The following NR3C2 variants were observed in gnomAD, a reference collection of about 807,000 sequenced individuals.
The protein encoded by NR3C2 is nuclear receptor subfamily 3 group C member 2, also known as mineralocorticoid receptor.
In NR3C2, 15 loss-of-function variants were observed where a neutral mutation model predicts 86.4. The ratio of observed to expected loss-of-function variants is 0.17; its 90% CI spans 0.12 to 0.27. NR3C2 has a LOEUF of 0.27. Ranked by LOEUF, NR3C2 falls within the 10% of genes least tolerant of loss-of-function variation. The pLI, the probability that NR3C2 is intolerant of heterozygous loss-of-function variation, is 1.00. For missense variants in NR3C2, 960 were observed against 1,195.6 expected (o/e 0.80, Z 2.91); for synonymous variants, 458 against 450.5 (o/e 1.02, Z -0.21).
At chr4:148,341,767 A>G (rs1376621078) in intron 2 of NR3C2, among the ~76,000 whole-genome samples, 3 of 152,158 alleles carry the variant, frequency 2.0e-5, no homozygotes, top group African/African-American at 4.8e-5. Context: ...ACAAACAAAC[A>G]TAAGCAGCAA....
intron 2 of NR3C2, among the ~76,000 whole-genome samples, chr4:148,428,388 T>C (rs1441726459): frequency 6.6e-6 from 1 of 152,150 alleles, no homozygotes; most frequent in Non-Finnish European, 1.5e-5. Flanking sequence ...TCAAAAGCAG[T>C]ATCAAGTCAT....
At chr4:148,193,492 C>T (rs1736301106) in intron 4 of NR3C2, among the ~76,000 whole-genome samples, 1 of 152,204 alleles carries the variant, frequency 6.6e-6, no homozygotes, top group Non-Finnish European at 1.5e-5. Context: ...TGCCTCCTGT[C>T]CACCATGATC....
intron 2 of NR3C2, among the ~76,000 whole-genome samples, chr4:148,264,581 T>C: frequency 6.6e-6 from 1 of 152,200 alleles, no homozygotes; most frequent in East Asian, 1.9e-4. Flanking sequence ...TGGGCTCTAG[T>C]TCTAGCTCTG....
intron 2 of NR3C2, among the ~76,000 whole-genome samples, chr4:148,306,955 T>A (rs1381135319): frequency 1.3e-5 from 2 of 152,210 alleles, no homozygotes; most frequent in African/African-American, 2.4e-5. Flanking sequence ...GACAGCTTTA[T>A]AAATAACACT....
At chr4:148,360,374 A>G (rs1579204304) in intron 2 of NR3C2, among the ~76,000 whole-genome samples, 1 of 152,206 alleles carries the variant, frequency 6.6e-6, no homozygotes, top group Admixed American at 6.5e-5. Flanking sequence ...AGTGGATCAT[A>G]GCAACATAGT....
chr4:148,287,548 C>T (rs886911737), intron 2 of NR3C2, among the ~76,000 whole-genome samples: 1 of 152,164 alleles, frequency 6.6e-6, no homozygotes, highest in Non-Finnish European at 1.5e-5. Context: ...GAATTGCCAA[C>T]TTAAACTGTC....
intron 4 of NR3C2, among the ~76,000 whole-genome samples, chr4:148,167,373 A>T (rs1734924805): frequency 6.6e-6 from 1 of 152,028 alleles, no homozygotes; most frequent in Non-Finnish European, 1.5e-5. Context: ...AATAATTTCA[A>T]CCCCCAAATT....
chr4:148,131,064 C>T (rs1175532831), intron 6 of NR3C2, among the ~76,000 whole-genome samples: 1 of 152,030 alleles, frequency 6.6e-6, no homozygotes. Context: ...AGTCTTCTGA[C>T]CTTGTGATCC....
intron 2 of NR3C2, among the ~76,000 whole-genome samples, chr4:148,326,056 T>C (rs1743948690): frequency 6.6e-6 from 1 of 152,166 alleles, no homozygotes; most frequent in South Asian, 2.1e-4. Context: ...GCAAGATCAA[T>C]GGACGCAGGT....
intron 4 of NR3C2, among the ~76,000 whole-genome samples, chr4:148,158,767 T>C (rs1734522780): frequency 6.6e-6 from 1 of 152,252 alleles, no homozygotes; most frequent in South Asian, 2.1e-4. Context: ...GGAAATGTCA[T>C]GAAGAATACT....
intron 2 of NR3C2, among the ~76,000 whole-genome samples, chr4:148,331,039 T>C (rs1263320909): frequency 6.6e-6 from 1 of 152,186 alleles, no homozygotes; most frequent in African/African-American, 2.4e-5. Context: ...ACCTCCTTCC[T>C]TTATAAAATT....
intron 4 of NR3C2, among the ~76,000 whole-genome samples, chr4:148,193,243 C>G (rs893414874): frequency 1.3e-5 from 2 of 152,164 alleles, no homozygotes; most frequent in African/African-American, 4.8e-5. Context: ...ACAAACAGAC[C>G]TTCAGCTTCT....
chr4:148,280,092 T>G, intron 2 of NR3C2, among the ~76,000 whole-genome samples: 1 of 152,236 alleles, frequency 6.6e-6, no homozygotes, highest in East Asian at 1.9e-4. Flanking sequence ...AAATAATCTG[T>G]TTGCATCAGG....
At chr4:148,333,581 G>A (rs376518904) in intron 2 of NR3C2, among the ~76,000 whole-genome samples, 1 of 151,440 alleles carries the variant, frequency 6.6e-6, no homozygotes, top group Non-Finnish European at 1.5e-5. Flanking sequence ...GAAGGACCAC[G>A]AGTCTCCAAA....
At chr4:148,402,372 A>T (rs1403867792) in intron 2 of NR3C2, among the ~76,000 whole-genome samples, 2 of 152,212 alleles carry the variant, frequency 1.3e-5, no homozygotes, top group African/African-American at 4.8e-5. Flanking sequence ...CAGCAACTAC[A>T]ACTGTACTGT....
chr4:148,099,205 G>A (rs536104273), intron 8 of NR3C2, among the ~76,000 whole-genome samples: 109 of 152,284 alleles, frequency 7.2e-4, no homozygotes, highest in African/African-American at 2.6e-3. Context: ...GAACATAAGG[G>A]GTCCCTCGTT....
chr4:148,179,077 G>A (rs1253951686), intron 4 of NR3C2, among the ~76,000 whole-genome samples: 1 of 151,606 alleles, frequency 6.6e-6, no homozygotes, highest in Non-Finnish European at 1.5e-5. Flanking sequence ...TCCATTATCT[G>A]CAGTGACCTG....
At chr4:148,318,694 A>G (rs1168664340) in intron 2 of NR3C2, among the ~76,000 whole-genome samples, 2 of 151,968 alleles carry the variant, frequency 1.3e-5, no homozygotes, top group African/African-American at 4.8e-5. Flanking sequence ...GTGTCTGTTC[A>G]TGTCCTTCGC....
At chr4:148,384,714 T>C (rs1747177993) in intron 2 of NR3C2, among the ~76,000 whole-genome samples, 1 of 152,188 alleles carries the variant, frequency 6.6e-6, no homozygotes, top group African/African-American at 2.4e-5. Flanking sequence ...CTGTCCTTCA[T>C]AAAATACAAT....
Sources: gnomAD v4.1 joint callset for allele counts (sites outside exome capture counted in the v4.1 genomes callset) on GRCh38, gnomAD v4.1.1 for gene constraint, MANE v1.5 for transcripts, NCBI Gene and HGNC (gene_info 2026-07-23, HGNC 2026-07-21) for gene names.